SMYD3: variants seen among roughly 807,000 people sequenced by gnomAD.
SMYD3 encodes the protein histone-lysine N-methyltransferase SMYD3.
A neutral mutation model predicts 57.7 loss-of-function variants in SMYD3; 36 were observed. The observed-to-expected ratio is 0.62, with a 90% CI of 0.48 to 0.82. The LOEUF (loss-of-function observed/expected upper bound fraction) is 0.82, where lower values mean the gene tolerates loss of function less well. SMYD3 is among the 40% of genes least tolerant of loss of function. The pLI is 0.00. For synonymous variants in SMYD3, 211 were observed against 195.0 expected (o/e 1.08, Z -0.68); for missense variants, 515 against 538.8 (o/e 0.96, Z 0.44).
At chr1:246,036,360 C>T (rs1192395069) in intron 5 of SMYD3, among the ~76,000 whole-genome samples, 1 of 152,132 alleles carries the variant, frequency 6.6e-6, no homozygotes, top group Admixed American at 6.5e-5. Context: ...AACAGGATGA[C>T]CATCCCCCCA....
rs1173260821 is a variant in SMYD3, at chr1:245,874,556, C to T, written c.814-10670G>A. On this transcript the variant is annotated intron_variant, in intron 8 of 11. Coordinates refer to ENST00000490107, the MANE Select transcript of SMYD3 (RefSeq NM_001167740.2). ...GAGGGTTCCATAGCGTCCCCTAAGT[C>T]TTCAGAGTTGGGCTGCAGAAATTAT... 3.9e-5 allele frequency among the ~76,000 whole-genome samples: 6 copies of T among 152,202 alleles called. No homozygotes were observed. In the East Asian group the frequency reaches 1.2e-3, roughly 29 times the overall value.
chr1:246,352,179 G>C (rs1384027971), intron 2 of SMYD3, among the ~76,000 whole-genome samples: 1 of 131,064 alleles, frequency 7.6e-6, no homozygotes, highest in Non-Finnish European at 1.6e-5. Context: ...AGAAAGAAAT[G>C]TGAATACCAA....
chr1:246,000,613 C>A (rs6665125), intron 5 of SMYD3, among the ~76,000 whole-genome samples: 19,444 of 152,220 alleles, frequency 0.13, 1,320 homozygotes, highest in South Asian at 0.23. Context: ...CTCCCCTGGA[C>A]ACCACCATAC....
intron 1 of SMYD3, among the ~76,000 whole-genome samples, chr1:246,385,135 T>G (rs2066453202): frequency 6.6e-6 from 1 of 152,198 alleles, no homozygotes; most frequent in Non-Finnish European, 1.5e-5. Flanking sequence ...TATTGAAAAT[T>G]TATCTTTTGT....
chr1:245,966,598 A>C (rs1226305203), intron 5 of SMYD3, among the ~76,000 whole-genome samples: 1 of 152,176 alleles, frequency 6.6e-6, no homozygotes. Flanking sequence ...ATTTCCTTCT[A>C]ATCTTTTCTA....
intron 1 of SMYD3, among the ~76,000 whole-genome samples, chr1:246,363,867 C>T (rs1357248660): frequency 6.6e-6 from 1 of 151,978 alleles, no homozygotes; most frequent in Non-Finnish European, 1.5e-5. Context: ...CCACTATTGT[C>T]CTATGACCCT....
At chr1:246,325,599 G>A (rs1194087510) in intron 5 of SMYD3, among the ~76,000 whole-genome samples, 1 of 152,004 alleles carries the variant, frequency 6.6e-6, no homozygotes, top group Non-Finnish European at 1.5e-5. Flanking sequence ...TATACAACAT[G>A]GAGATAATTT....
At chr1:246,227,073 C>G (rs2063341130) in intron 5 of SMYD3, among the ~76,000 whole-genome samples, 1 of 152,164 alleles carries the variant, frequency 6.6e-6, no homozygotes, top group African/African-American at 2.4e-5. Context: ...ACATTTCAAA[C>G]AGTCTTAGAT....
intron 11 of SMYD3, among the ~76,000 whole-genome samples, chr1:245,761,448 C>T (rs1219191311): frequency 6.6e-6 from 1 of 152,138 alleles, no homozygotes. Flanking sequence ...TCCTGAAAAT[C>T]CATAGCGAGA....
At chr1:246,266,576 A>C (rs1369424983) in intron 5 of SMYD3, among the ~76,000 whole-genome samples, 1 of 152,172 alleles carries the variant, frequency 6.6e-6, no homozygotes, top group African/African-American at 2.4e-5. Flanking sequence ...AATCTTATTT[A>C]AGGAAAATAC....
At chr1:245,949,678 A>G (rs761995533) in intron 5 of SMYD3, among the ~76,000 whole-genome samples, 6 of 152,088 alleles carry the variant, frequency 3.9e-5, no homozygotes, top group African/African-American at 4.8e-5. Context: ...GCGTGGTGGC[A>G]CACACCTGTA....
chr1:246,291,588 T>C (rs542269918), intron 5 of SMYD3, among the ~76,000 whole-genome samples: 2 of 152,320 alleles, frequency 1.3e-5, no homozygotes, highest in South Asian at 2.1e-4. Flanking sequence ...TTGAGAACAC[T>C]TGCAATAGCA....
At chr1:246,326,640 T>A (rs762312074) in intron 5 of SMYD3, 27 of 363,836 alleles carry the variant, frequency 7.4e-5, no homozygotes, top group East Asian at 3.4e-4. Context: ...GGCTCATGCC[T>A]GTAATCCCAG....
At chr1:245,949,381 T>C (rs1449517236) in intron 5 of SMYD3, among the ~76,000 whole-genome samples, 1 of 152,172 alleles carries the variant, frequency 6.6e-6, no homozygotes, top group African/African-American at 2.4e-5. Context: ...TCACTGCAGC[T>C]TCTGCTAACA....
At chr1:246,174,796 T>C (rs564556866) in intron 5 of SMYD3, among the ~76,000 whole-genome samples, 1 of 152,314 alleles carries the variant, frequency 6.6e-6, no homozygotes, top group African/African-American at 2.4e-5. Flanking sequence ...GTCTCAACAA[T>C]TACTAATTAT....
At chr1:246,246,564 G>A (rs920807370) in intron 5 of SMYD3, among the ~76,000 whole-genome samples, 14 of 152,044 alleles carry the variant, frequency 9.2e-5, no homozygotes, top group African/African-American at 3.4e-4. Context: ...GTATGCATTT[G>A]TTACGGTCAA....
At chr1:246,245,100 A>G (rs958892523) in intron 5 of SMYD3, among the ~76,000 whole-genome samples, 2 of 149,886 alleles carry the variant, frequency 1.3e-5, no homozygotes, top group African/African-American at 4.9e-5. Context: ...GAGTTCCTAA[A>G]AGAATTCAGC....
At chr1:246,085,867 T>C (rs1451715415) in intron 5 of SMYD3, among the ~76,000 whole-genome samples, 1 of 152,096 alleles carries the variant, frequency 6.6e-6, no homozygotes, top group African/African-American at 2.4e-5. Context: ...ATATCTTTGT[T>C]TCTGATCAAC....
chr1:246,317,269 G>A (rs535067269), intron 5 of SMYD3, among the ~76,000 whole-genome samples: 8 of 152,182 alleles, frequency 5.3e-5, no homozygotes, highest in East Asian at 1.9e-4. Flanking sequence ...AATGTAAACC[G>A]ACAGAACCAA....
Sources: allele counts gnomAD v4.1 joint callset (sites outside exome capture counted in the v4.1 genomes callset), GRCh38; gene constraint gnomAD v4.1.1; transcripts MANE v1.5; gene names NCBI Gene and HGNC (gene_info 2026-07-23, HGNC 2026-07-21).